The following MRRF variants were observed in gnomAD, a reference collection of about 807,000 sequenced individuals.
The protein encoded by MRRF is mitochondrial ribosome recycling factor.
A neutral mutation model predicts 25.1 loss-of-function variants in MRRF; 18 were observed. That is an observed-to-expected ratio of 0.72 (90% CI 0.50 to 1.06). The LOEUF (loss-of-function observed/expected upper bound fraction) is 1.06, where lower values mean the gene tolerates loss of function less well. Among genes scored for constraint, MRRF ranks in the 50% least tolerant of loss-of-function variants. MRRF has a pLI of 0.00. For synonymous variants in MRRF, 113 were observed against 112.1 expected, an observed-to-expected ratio of 1.01 and a Z score of -0.05; for missense variants, 323 against 319.3, an observed-to-expected ratio of 1.01 and a Z score of -0.09.
intron 2 of MRRF, among the ~76,000 whole-genome samples, chr9:122,276,811 G>A (rs1188121717): frequency 2.6e-5 from 4 of 151,912 alleles, no homozygotes; most frequent in Admixed American, 6.6e-5. Context: ...CTTACTTATC[G>A]GTTATCAAGG....
intron 2 of MRRF, among the ~76,000 whole-genome samples, chr9:122,274,533 G>GGTGTGTGTGTGTGTGTGTGTGT (rs765131163): frequency 7.1e-6 from 1 of 140,562 alleles, no homozygotes; most frequent in Non-Finnish European, 1.5e-5. Flanking sequence ...ATATGAATCT[G>GGTGTGTGTGTGTGTGTGTGTGT]GTGTGTGTGT....
At chr9:122,317,122 T>G (rs781386999) in intron 6 of MRRF, among the ~76,000 whole-genome samples, 1 of 151,378 alleles carries the variant, frequency 6.6e-6, no homozygotes, top group Non-Finnish European at 1.5e-5. Context: ...TAGAATAGAC[T>G]GGAACGTCCC....
At position 122,327,175 on chromosome 9, in the gene MRRF, A is replaced by C. The variant is rs751575899; in HGVS notation, c.*4558A>C. The stretch of plus-strand genomic sequence containing the variant: ...CTCTTATGGAGACAGTAAAGATTAC[A>C]TATTAATCCCCCACCTGTTTGGCCA... On this transcript the variant is annotated 3_prime_UTR_variant, in exon 7 of 7. Coordinates refer to ENST00000344641, the MANE Select transcript of MRRF (RefSeq NM_138777.5). The C allele has an allele frequency of 1.5e-4, 23 of 152,258 alleles. No homozygotes were observed. Among genetic ancestry groups the C allele is most frequent in the Non-Finnish European group, 2.9e-4 (20 of 68,054 alleles). 9.4% of individuals were successfully genotyped at this position (152,258 alleles called of 1,614,324 possible).
chr9:122,316,328 A>G (rs868865223), intron 6 of MRRF, among the ~76,000 whole-genome samples: 6 of 152,100 alleles, frequency 3.9e-5, no homozygotes, highest in African/African-American at 1.4e-4. Context: ...GGCACGTGCC[A>G]CCATGCCCTG....
intron 2 of MRRF, among the ~76,000 whole-genome samples, chr9:122,278,061 T>A (rs115807017): frequency 0.01 from 1,528 of 152,236 alleles, 21 homozygotes; most frequent in African/African-American, 0.033. Flanking sequence ...CATTTAAAGT[T>A]CTTTTAGCTG....
In MRRF at chr9:122,280,477, T is replaced by C. The variant is rs1179799184; in HGVS notation, c.219T>C (p.Asn73=). Residue 73 remains asparagine (N), a synonymous_variant, in exon 3 of 7, where the codon AAT becomes AAC. Transcript: ENST00000344641. ...KGKGQSQTRV[N]INAALVEDII... ...AAGGACAGTCCCAAACCAGAGTGAA[T>C]ATTAATGCTGCCTTGGTTGAGGATA... The C allele has an allele frequency of 1.2e-6, 2 of 1,614,024 alleles. No individual in the cohort carries two copies. Among genetic ancestry groups the C allele is most frequent in the Non-Finnish European group, 1.7e-6 (2 of 1,180,004 alleles).
intron 4 of MRRF, among the ~76,000 whole-genome samples, chr9:122,290,456 A>C (rs912725064): frequency 3.9e-5 from 6 of 152,104 alleles, no homozygotes; most frequent in African/African-American, 1.4e-4. Context: ...AGGATTCTTC[A>C]TGTGTATGTG....
Position 122,329,017 on chromosome 9 carries a change from G to A in MRRF, c.*6400G>A, listed in dbSNP as rs920775123. The A allele has an allele frequency of 2.6e-5, 4 of 152,154 alleles. No homozygotes were observed. Among genetic ancestry groups the A allele is most frequent in the Admixed American group, 6.5e-5 (1 of 15,270 alleles). 9.4% of individuals were successfully genotyped at this position (152,154 alleles called of 1,614,324 possible). On this transcript the variant is annotated 3_prime_UTR_variant, in exon 7 of 7. Coordinates refer to ENST00000344641, the MANE Select transcript of MRRF (RefSeq NM_138777.5). ...TGGTCTGTGTTTCAGTCCATCCTAC[G>A]CTGTTAAGTTAGAACAACCTGAAAC...
intron 6 of MRRF, among the ~76,000 whole-genome samples, chr9:122,322,107 T>TCC (rs1246258761): frequency 6.6e-6 from 1 of 152,196 alleles, no homozygotes; most frequent in African/African-American, 2.4e-5. Context: ...ACGCCTGTAA[T>TCC]CCCAGCACTT....
chr9:122,297,913 G>A (rs1211980691), intron 5 of MRRF, among the ~76,000 whole-genome samples: 2 of 152,148 alleles, frequency 1.3e-5, no homozygotes, highest in Non-Finnish European at 1.5e-5. Context: ...GTATTTTAAT[G>A]CCTCCCCTGG....
chr9:122,320,488 G>T (rs1483937094), intron 6 of MRRF, among the ~76,000 whole-genome samples: 1 of 152,178 alleles, frequency 6.6e-6, no homozygotes, highest in Non-Finnish European at 1.5e-5. Flanking sequence ...GTCCCAGGCT[G>T]CCAGCCTGCA....
intron 6 of MRRF, among the ~76,000 whole-genome samples, chr9:122,320,120 C>CA (rs1310695664): frequency 9.9e-5 from 15 of 151,954 alleles, no homozygotes; most frequent in Non-Finnish European, 1.5e-4. Flanking sequence ...GTGATCCTCC[C>CA]ACCTCAGCCT....
At chr9:122,318,958 C>T (rs1835703570) in intron 6 of MRRF, among the ~76,000 whole-genome samples, 1 of 152,008 alleles carries the variant, frequency 6.6e-6, no homozygotes, top group Non-Finnish European at 1.5e-5. Context: ...TCCTCTTCTC[C>T]CCAGTGTTGT....
intron 1 of MRRF, among the ~76,000 whole-genome samples, chr9:122,267,304 C>CT (rs1402318416): frequency 6.6e-6 from 1 of 150,514 alleles, no homozygotes; most frequent in Non-Finnish European, 1.5e-5. Context: ...TCCCCTGAAC[C>CT]TGGAAGGCAT....
At chr9:122,319,436 T>G (rs951376960) in intron 6 of MRRF, among the ~76,000 whole-genome samples, 1 of 152,096 alleles carries the variant, frequency 6.6e-6, no homozygotes, top group Non-Finnish European at 1.5e-5. Flanking sequence ...AACCACTGAC[T>G]TTTTATGTGA....
intron 1 of MRRF, among the ~76,000 whole-genome samples, chr9:122,266,312 G>A (rs1419112040): frequency 6.6e-6 from 1 of 152,218 alleles, no homozygotes; most frequent in Non-Finnish European, 1.5e-5. Flanking sequence ...GCAGACTACA[G>A]GACACTTGAC....
intron 5 of MRRF, among the ~76,000 whole-genome samples, chr9:122,301,768 C>G (rs1834480160): frequency 6.6e-6 from 1 of 150,974 alleles, no homozygotes; most frequent in African/African-American, 2.4e-5. Flanking sequence ...CAGTCTCTCT[C>G]TGTTGCCCAG....
chr9:122,318,069 A>G (rs1374430408), intron 6 of MRRF, among the ~76,000 whole-genome samples: 2 of 152,170 alleles, frequency 1.3e-5, no homozygotes, highest in South Asian at 4.1e-4. Flanking sequence ...CCCGGGAGGC[A>G]GAGCTGCAGT....
intron 5 of MRRF, among the ~76,000 whole-genome samples, chr9:122,292,861 T>G (rs1043417617): frequency 2.6e-5 from 4 of 152,206 alleles, no homozygotes; most frequent in Non-Finnish European, 5.9e-5. Context: ...TTTAAATCCC[T>G]ATTCCTACAC....
Sources: gnomAD v4.1 joint callset for allele counts (sites outside exome capture counted in the v4.1 genomes callset) on GRCh38, gnomAD v4.1.1 for gene constraint, MANE v1.5 for transcripts, NCBI Gene and HGNC (gene_info 2026-07-23, HGNC 2026-07-21) for gene names.